The following CHODL variants were observed in gnomAD, a reference collection of about 807,000 sequenced individuals.
CHODL encodes chondrolectin, also known as transmembrane protein MT75.
A neutral mutation model predicts 34.5 loss-of-function variants in CHODL; 29 were observed. The ratio of observed to expected loss-of-function variants is 0.84; its 90% CI spans 0.63 to 1.15. CHODL has a LOEUF of 1.15. CHODL is among the 50% of genes most tolerant of loss of function. The pLI, the probability that CHODL is intolerant of heterozygous loss-of-function variation, is 0.00. For synonymous variants in CHODL, 125 were observed against 116.1 expected, an observed-to-expected ratio of 1.08 and a Z score of -0.49; for missense variants, 332 against 332.5, an observed-to-expected ratio of 1.00 and a Z score of 0.01.
chr21:18,090,198 C>CA (rs2065055125), intron 2 of CHODL, among the ~76,000 whole-genome samples: 1 of 152,244 alleles, frequency 6.6e-6, no homozygotes, highest in Admixed American at 6.5e-5. Flanking sequence ...AACAGAAAGA[C>CA]AAAAACATAA....
At chr21:18,232,965 A>G (rs1336338225) in intron 2 of CHODL, among the ~76,000 whole-genome samples, 2 of 139,634 alleles carry the variant, frequency 1.4e-5, no homozygotes, top group Non-Finnish European at 3.0e-5. Context: ...ATATATATAT[A>G]TATATATGTA....
intron 2 of CHODL, among the ~76,000 whole-genome samples, chr21:18,063,773 CT>C (rs1483863457): frequency 6.6e-6 from 1 of 152,102 alleles, no homozygotes; most frequent in Non-Finnish European, 1.5e-5. Flanking sequence ...ATTTTCATTG[CT>C]TTTAAGATAA....
chr21:18,217,103 C>G (rs1386137783), intron 2 of CHODL, among the ~76,000 whole-genome samples: 1 of 152,132 alleles, frequency 6.6e-6, no homozygotes, highest in South Asian at 2.1e-4. Flanking sequence ...ACAGTGCTGG[C>G]ATAAATGTGG....
chr21:17,926,397 A>C (rs924358201), intron 1 of CHODL, among the ~76,000 whole-genome samples: 3 of 146,072 alleles, frequency 2.1e-5, no homozygotes, highest in African/African-American at 7.7e-5. Flanking sequence ...TTTTTTCCTG[A>C]AGTGTATTAG....
chr21:18,065,145 A>G (rs1056906476), intron 2 of CHODL, among the ~76,000 whole-genome samples: 2 of 152,154 alleles, frequency 1.3e-5, no homozygotes, highest in Non-Finnish European at 2.9e-5. Flanking sequence ...TTGAAACACA[A>G]ATGGCACATA....
chr21:18,229,125 A>G (rs994166586), intron 2 of CHODL, among the ~76,000 whole-genome samples: 3 of 152,198 alleles, frequency 2.0e-5, no homozygotes, highest in Non-Finnish European at 4.4e-5. Flanking sequence ...GCAATATATG[A>G]TGGAGCATAT....
At chr21:18,074,300 C>T (rs1375799416) in intron 2 of CHODL, among the ~76,000 whole-genome samples, 1 of 152,176 alleles carries the variant, frequency 6.6e-6, no homozygotes, top group Non-Finnish European at 1.5e-5. Flanking sequence ...ACACAAGTCA[C>T]TTGTCACATG....
chr21:18,229,142 T>C (rs1275312531), intron 2 of CHODL, among the ~76,000 whole-genome samples: 1 of 152,160 alleles, frequency 6.6e-6, no homozygotes, highest in African/African-American at 2.4e-5. Flanking sequence ...ATATAAAATA[T>C]ATAAAAATGG....
intron 2 of CHODL, among the ~76,000 whole-genome samples, chr21:18,171,113 T>TCTG (rs200380460): frequency 1.1e-4 from 1 of 8,744 alleles, no homozygotes; most frequent in Admixed American, 4.4e-4. Context: ...CTCCAGAATT[T>TCTG]GTTTTTTTTT....
chr21:18,111,541 T>G (rs2146562459), intron 2 of CHODL, among the ~76,000 whole-genome samples: 1 of 152,302 alleles, frequency 6.6e-6, no homozygotes, highest in South Asian at 2.1e-4. Context: ...ATCAGTTTTC[T>G]TAACCTTTAC....
chr21:17,985,150 A>G (rs924913957), intron 1 of CHODL, among the ~76,000 whole-genome samples: 10 of 152,164 alleles, frequency 6.6e-5, no homozygotes, highest in South Asian at 2.1e-4. Flanking sequence ...GGATGTATCT[A>G]TAATATAGAT....
At chr21:18,039,686 A>C (rs2064352230) in intron 2 of CHODL, among the ~76,000 whole-genome samples, 1 of 151,588 alleles carries the variant, frequency 6.6e-6, no homozygotes, top group Admixed American at 6.6e-5. Context: ...AATATAAATT[A>C]CTCCCTATCC....
At chr21:18,123,620 A>G (rs1259114329) in intron 2 of CHODL, among the ~76,000 whole-genome samples, 3 of 152,066 alleles carry the variant, frequency 2.0e-5, no homozygotes, top group African/African-American at 7.2e-5. Context: ...GAATTTCATT[A>G]TTTTATCAGG....
At chr21:18,261,111 A>G (rs1275622048) in intron 4 of CHODL, among the ~76,000 whole-genome samples, 5 of 152,188 alleles carry the variant, frequency 3.3e-5, no homozygotes, top group Non-Finnish European at 7.4e-5. Context: ...TTAAATGTAG[A>G]TAAAAGCTTT....
intron 2 of CHODL, among the ~76,000 whole-genome samples, chr21:18,189,333 G>C (rs1393130196): frequency 1.5e-5 from 2 of 131,730 alleles, no homozygotes; most frequent in African/African-American, 5.2e-5. Flanking sequence ...GTACAAGCAA[G>C]TGAGATTTAA....
At position 18,182,016 on chromosome 21, in the gene CHODL, C is replaced by T. The variant is rs750597996; in HGVS notation, c.-44-74493C>T. On this transcript the variant is annotated intron_variant, in intron 2 of 6. Coordinates refer to the CHODL transcript ENST00000400127. ...CACTTTTTGAATATTATTAATAATGCTGCTATGAACATTTGTGTGTACATT... is the reference window on the plus strand; with the variant it reads ...CACTTTTTGAATATTATTAATAATGTTGCTATGAACATTTGTGTGTACATT... 1.3e-4 allele frequency among the ~76,000 whole-genome samples: 20 copies of T among 152,042 alleles called. 1 individual carries two copies. Among genetic ancestry groups the T allele is most frequent in the Non-Finnish European group, 1.5e-4 (10 of 68,040 alleles).
intron 2 of CHODL, among the ~76,000 whole-genome samples, chr21:18,157,543 G>A (rs1334247334): frequency 6.6e-6 from 1 of 152,306 alleles, no homozygotes; most frequent in East Asian, 1.9e-4. Flanking sequence ...ATTAAGGCAG[G>A]TTGTGTCAGC....
At chr21:17,976,923 G>T (rs948144935) in intron 1 of CHODL, among the ~76,000 whole-genome samples, 23 of 152,166 alleles carry the variant, frequency 1.5e-4, no homozygotes, top group African/African-American at 5.6e-4. Context: ...ATGCTTTCCA[G>T]ACAGATTTAA....
chr21:18,220,172 A>G (rs2073868927), intron 2 of CHODL, among the ~76,000 whole-genome samples: 1 of 152,074 alleles, frequency 6.6e-6, no homozygotes, highest in South Asian at 2.1e-4. Context: ...TTCCACTTGC[A>G]TGGAATATCT....
Sources: gnomAD v4.1 joint callset for allele counts (sites outside exome capture counted in the v4.1 genomes callset) on GRCh38, gnomAD v4.1.1 for gene constraint, MANE v1.5 for transcripts, NCBI Gene and HGNC (gene_info 2026-07-23, HGNC 2026-07-21) for gene names.